Variants in COMMD1 observed in about 807,000 individuals in gnomAD.
COMMD1 encodes the protein copper metabolism domain containing 1.
COMMD1 carries 10 observed loss-of-function variants against 17.2 expected under a neutral mutation model. The observed-to-expected ratio is 0.58, with a 90% CI of 0.36 to 0.99. The LOEUF (loss-of-function observed/expected upper bound fraction) is 0.99. COMMD1 is among the 50% of genes least tolerant of loss of function. COMMD1 has a pLI of 0.01. For synonymous variants in COMMD1, 97 were observed against 91.6 expected (o/e 1.06, Z -0.34); for missense variants, 270 against 231.8 (o/e 1.17, Z -1.07).
intron 2 of COMMD1, among the ~76,000 whole-genome samples, chr2:62,040,954 G>T (rs552161169): frequency 1.3e-5 from 2 of 152,234 alleles, no homozygotes; most frequent in East Asian, 1.9e-4. Flanking sequence ...CAAGTGGCCT[G>T]CCCACCTTGC....
chr2:62,017,201 G>A (rs1003091215), intron 2 of COMMD1, among the ~76,000 whole-genome samples: 1 of 152,164 alleles, frequency 6.6e-6, no homozygotes, highest in African/African-American at 2.4e-5. Flanking sequence ...GAATTTTAAT[G>A]AGCCATTTTA....
intron 2 of COMMD1, among the ~76,000 whole-genome samples, chr2:62,102,630 C>T (rs1384864765): frequency 6.6e-6 from 1 of 152,188 alleles, no homozygotes; most frequent in African/African-American, 2.4e-5. Context: ...TCCCCTAAGG[C>T]TAACCATAGC....
chr2:61,905,666 G>A, upstream of COMMD1: 2 of 1,538,936 alleles, frequency 1.3e-6, no homozygotes, highest in Non-Finnish European at 8.8e-7. Flanking sequence ...GCGGGGCGGG[G>A]CCTTCGCAGA....
chr2:61,919,382 C>T (rs542205557), intron 1 of COMMD1, among the ~76,000 whole-genome samples: 1 of 152,160 alleles, frequency 6.6e-6, no homozygotes, highest in African/African-American at 2.4e-5. Flanking sequence ...GTGGTGCCAT[C>T]GCAGCTCACT....
At chr2:62,042,553 A>G (rs1480017073) in intron 2 of COMMD1, among the ~76,000 whole-genome samples, 2 of 151,932 alleles carry the variant, frequency 1.3e-5, no homozygotes, top group African/African-American at 4.8e-5. Context: ...GCCCGTGCCC[A>G]CCCGGAACCC....
intron 1 of COMMD1, among the ~76,000 whole-genome samples, chr2:61,930,986 A>G (rs532843021): frequency 6.6e-6 from 1 of 152,122 alleles, no homozygotes; most frequent in East Asian, 1.9e-4. Flanking sequence ...TCAAATATGT[A>G]ATTAACATTC....
At chr2:62,103,845 A>AT (rs910507326) in intron 2 of COMMD1, among the ~76,000 whole-genome samples, 24 of 147,808 alleles carry the variant, frequency 1.6e-4, no homozygotes, top group East Asian at 7.9e-4. Context: ...TGCCGTCAGT[A>AT]TTTTTTTTTT....
intron 1 of COMMD1, among the ~76,000 whole-genome samples, chr2:61,948,403 T>G (rs13389973): frequency 0.12 from 17,654 of 152,202 alleles, 2,425 homozygotes; most frequent in African/African-American, 0.33. Context: ...ACTACTTAAT[T>G]TATGTAAGTG....
intron 1 of COMMD1, among the ~76,000 whole-genome samples, chr2:61,965,526 G>C (rs1331326230): frequency 1.3e-5 from 2 of 152,212 alleles, no homozygotes; most frequent in Non-Finnish European, 2.9e-5. Flanking sequence ...CCTCAGCATG[G>C]TATAGGGCTT....
intron 2 of COMMD1, among the ~76,000 whole-genome samples, chr2:62,023,426 T>G (rs958573060): frequency 1.3e-5 from 2 of 151,840 alleles, no homozygotes; most frequent in South Asian, 2.1e-4. Context: ...CCACAGGAAT[T>G]TAGCCTAAAG....
intron 2 of COMMD1, among the ~76,000 whole-genome samples, chr2:62,048,582 T>C (rs1670449291): frequency 6.6e-6 from 1 of 152,156 alleles, no homozygotes; most frequent in South Asian, 2.1e-4. Context: ...GTGACCATTG[T>C]TCATTGAGAG....
At chr2:62,002,077 C>T (rs983055282) in intron 2 of COMMD1, among the ~76,000 whole-genome samples, 7 of 150,640 alleles carry the variant, frequency 4.6e-5, no homozygotes, top group Admixed American at 1.3e-4. Context: ...GGCTGAGGCA[C>T]GAGAATCGCT....
chr2:61,965,452 G>C (rs1384630724), intron 1 of COMMD1, among the ~76,000 whole-genome samples: 1 of 152,182 alleles, frequency 6.6e-6, no homozygotes, highest in Non-Finnish European at 1.5e-5. Context: ...TACTTCAAAA[G>C]AGAAAGTCGT....
At chr2:61,958,836 T>G (rs938211956) in intron 1 of COMMD1, among the ~76,000 whole-genome samples, 1 of 152,222 alleles carries the variant, frequency 6.6e-6, no homozygotes, top group Non-Finnish European at 1.5e-5. Context: ...CCATATTGTT[T>G]AGTAGACAGT....
intron 1 of COMMD1, among the ~76,000 whole-genome samples, chr2:61,947,075 A>AGCATC (rs1191011576): frequency 2.0e-5 from 3 of 152,224 alleles, no homozygotes; most frequent in Non-Finnish European, 4.4e-5. Flanking sequence ...TTATGAATAT[A>AGCATC]GCATCTCACA....
At chr2:62,059,542 A>G (rs750089065) in intron 2 of COMMD1, among the ~76,000 whole-genome samples, 17 of 151,674 alleles carry the variant, frequency 1.1e-4, no homozygotes, top group African/African-American at 2.9e-4. Flanking sequence ...GCCTCTCCCC[A>G]TTTTTTCCCC....
At chr2:62,125,398 AG>A (rs1672859601) in intron 2 of COMMD1, among the ~76,000 whole-genome samples, 1 of 152,196 alleles carries the variant, frequency 6.6e-6, no homozygotes, top group African/African-American at 2.4e-5. Context: ...TTGCAGTCCT[AG>A]ACTGACTGAT....
intron 1 of COMMD1, among the ~76,000 whole-genome samples, chr2:62,000,086 C>A (rs1320533893): frequency 6.6e-6 from 1 of 151,630 alleles, no homozygotes; most frequent in Non-Finnish European, 1.5e-5. Context: ...CTACACCCGG[C>A]CAATTTTGTA....
intron 1 of COMMD1, among the ~76,000 whole-genome samples, chr2:61,954,839 T>C (rs1671153868): frequency 6.6e-6 from 1 of 152,074 alleles, no homozygotes; most frequent in Non-Finnish European, 1.5e-5. Context: ...GGGATTACAA[T>C]AGTTTTTCTA....
Sources: allele counts gnomAD v4.1 joint callset (sites outside exome capture counted in the v4.1 genomes callset), GRCh38; gene constraint gnomAD v4.1.1; transcripts MANE v1.5; gene names NCBI Gene and HGNC (gene_info 2026-07-23, HGNC 2026-07-21).